Variants in ACTC1 observed in about 807,000 individuals in gnomAD.
ACTC1 encodes actin, alpha cardiac muscle 1.
In ACTC1, 10 loss-of-function variants were observed where a neutral mutation model predicts 31.6. The ratio of observed to expected loss-of-function variants is 0.32; its 90% CI spans 0.19 to 0.54. ACTC1 has a LOEUF of 0.54. Ranked by LOEUF, ACTC1 falls within the 20% of genes least tolerant of loss-of-function variation. The pLI is 0.95. For missense variants in ACTC1, 129 were observed against 506.4 expected (o/e 0.25, Z 7.15); for synonymous variants, 196 against 185.0 (o/e 1.06, Z -0.48).
At chr15:34,795,254 A>G (rs1003342438) in intron 1 of ACTC1, among the ~76,000 whole-genome samples, 4 of 151,442 alleles carry the variant, frequency 2.6e-5, no homozygotes, top group Admixed American at 6.6e-5. Flanking sequence ...CCCCTTGGGG[A>G]GCCACAAAAT....
Position 34,793,997 on chromosome 15 carries a change from C to T in ACTC1, c.130-428G>A, listed in dbSNP as rs2140432618. 6.6e-6 allele frequency among the ~76,000 whole-genome samples: 1 copy of T among 152,338 alleles called. No individual in the cohort carries two copies. Among genetic ancestry groups the T allele is most frequent in the Non-Finnish European group, 1.5e-5 (1 of 68,042 alleles). ...ATTCAAGTGAACACATAATGATGGG[C>T]TGATATGCCATCCTCACTCCAACAG... is the stretch of plus-strand genomic sequence containing the variant. On this transcript the variant is annotated intron_variant, in intron 2 of 6. Transcript: ENST00000290378. This position sits in a 1 kb window ranked among gnomAD's most constrained non-coding sequence, Gnocchi z 4.8.
In ACTC1 at chr15:34,794,791, C is replaced by G; in HGVS notation, c.18G>C (p.Glu6Asp). 6.2e-7 allele frequency: 1 copy of G among 1,613,606 alleles called. No individual in the cohort carries two copies. The highest frequency in any genetic ancestry group is 8.5e-7 in the Non-Finnish European group (1 of 1,179,732). Residue 6 changes from glutamate to aspartate, a missense_variant, in exon 2 of 7, where the codon GAG (glutamate) becomes GAC (aspartate). Physicochemically the swap from Glu to Asp is conservative, Grantham distance 45. This residue lies in a region of ACTC1 where 11 missense variants were observed against 17.0 expected (regional missense o/e 0.65). Transcript: ENST00000290378. ...CGTTGTCGCACACCAGGGCGGTGGT[C>G]TCCTCGTCGTCACACATCTTGGCAC... MCDDE[E>D]TTALVCDNGS...
intron 6 of ACTC1, 35 bp downstream of exon 6, chr15:34,791,079 T>A: frequency 6.4e-7 from 1 of 1,556,690 alleles, no homozygotes; most frequent in Admixed American, 1.7e-5. Context: ...ATACCAAGAC[T>A]TGCCTCGGAT....
Position 34,794,671 on chromosome 15 carries a change from G to C in ACTC1, c.129+9C>G. The C allele has an allele frequency of 6.2e-7, 1 of 1,610,836 alleles. No individual in the cohort carries two copies. Among genetic ancestry groups the C allele is most frequent in the Non-Finnish European group, 8.5e-7 (1 of 1,178,316 alleles). The stretch of plus-strand genomic sequence containing the variant: ...CCGAGTGGGACGGGGGGCTCGGCGG[G>C]AAGTTTACCTGGTGCCGCGGGCGGC... On this transcript the variant is annotated intron_variant, in intron 2 of 6. Transcript: ENST00000290378.
rs1027450447 is a variant in ACTC1, at chr15:34,793,168, TG to T, written c.454+76del. On this transcript the variant is annotated intron_variant, in intron 3 of 6. Coordinates refer to ENST00000290378, the MANE Select transcript of ACTC1 (RefSeq NM_005159.5). This position sits in a 1 kb window ranked among gnomAD's most constrained non-coding sequence, Gnocchi z 4.8. Reference sequence around the variant, plus strand: ...GGAAAGGGATTATCCCTTTTTCAACTGGGGGATCTGATTCACAGCAAGGTCG... The same window carrying T: ...GGAAAGGGATTATCCCTTTTTCAACTGGGGATCTGATTCACAGCAAGGTCG... The T allele has an allele frequency of 2.8e-6, 4 of 1,450,438 alleles. No homozygotes were observed. Among genetic ancestry groups the T allele is most frequent in the Non-Finnish European group, 3.9e-6 (4 of 1,036,074 alleles). The allele number at this position is 1,450,438 out of a possible 1,614,324, so 89.8% of individuals were successfully genotyped here.
At chr15:34,790,813 A>G (rs974132471) in intron 6 of ACTC1, among the ~76,000 whole-genome samples, 1 of 152,214 alleles carries the variant, frequency 6.6e-6, no homozygotes, top group Non-Finnish European at 1.5e-5. Context: ...GCAACAAGCT[A>G]AATGTGTAGT....
chr15:34,793,372 C>T lies in ACTC1; in HGVS notation c.327G>A (p.Glu109=). The part of the protein sequence containing the change: ...APEEHPTLLT[E]APLNPKANRE... ...GGTTGGCCTTGGGGTTCAGCGGGGCCTCTGTGAGCAGGGTGGGGTGCTCCT... is the reference window on the plus strand; with the variant it reads ...GGTTGGCCTTGGGGTTCAGCGGGGCTTCTGTGAGCAGGGTGGGGTGCTCCT... Residue 109 remains glutamate (E), a synonymous_variant, in exon 3 of 7, where the codon GAG becomes GAA. Transcript: ENST00000290378. The surrounding 1 kb of genome is among the most constrained non-coding windows in gnomAD (Gnocchi z 4.8). The T allele has an allele frequency of 1.2e-6, 2 of 1,614,140 alleles. No homozygotes were observed. Among genetic ancestry groups the T allele is most frequent in the Non-Finnish European group, 1.7e-6 (2 of 1,180,022 alleles).
At position 34,792,612 on chromosome 15, in the gene ACTC1, C is replaced by T; in HGVS notation, c.455-43G>A. ...CAAGAACAAGGTAAATTCCTGAGGA[C>T]AACACCACTGCTCTAGCCACGGCAA... is the stretch of plus-strand genomic sequence containing the variant. On this transcript the variant is annotated intron_variant, in intron 3 of 6. Transcript: ENST00000290378. This position sits in a 1 kb window ranked among gnomAD's most constrained non-coding sequence, Gnocchi z 5.3. The T allele has an allele frequency of 1.2e-6, 2 of 1,610,570 alleles. No homozygotes were observed. The highest frequency in any genetic ancestry group is 1.7e-6 in the Non-Finnish European group (2 of 1,176,828).
chr15:34,791,960 T>G, intron 5 of ACTC1, 130 bp downstream of exon 5: 11 of 918,730 alleles, frequency 1.2e-5, no homozygotes, highest in South Asian at 1.5e-5. Flanking sequence ...GACTTGAGGT[T>G]GAGCTGTGTG....
In ACTC1 at chr15:34,792,517, C is replaced by T. The variant is rs1555418837; in HGVS notation, c.507G>A (p.Glu169=). The T allele has an allele frequency of 6.2e-7, 1 of 1,614,128 alleles. No individual in the cohort carries two copies. The highest frequency in any genetic ancestry group is 8.5e-7 in the Non-Finnish European group (1 of 1,180,016). The change falls in exon 4 of 7, where the codon GAG becomes GAA. Residue 169 remains glutamate, a synonymous_variant. Coordinates refer to ENST00000290378, the MANE Select transcript of ACTC1 (RefSeq NM_005159.5). The surrounding 1 kb of genome is among the most constrained non-coding windows in gnomAD (Gnocchi z 5.3). Reference sequence around the variant, plus strand: ...TGATGGCATGGGGCAAAGCGTAGCCCTCATAGATGGGGACATTGTGAGTTA... The same window carrying T: ...TGATGGCATGGGGCAAAGCGTAGCCTTCATAGATGGGGACATTGTGAGTTA... ...DGVTHNVPIY[E]GYALPHAIMR...
At chr15:34,791,349 AC>A in intron 5 of ACTC1, 54 bp from the exon 6 acceptor site, 1 of 1,392,998 alleles carries the variant, frequency 7.2e-7, no homozygotes, top group Non-Finnish European at 9.9e-7. Flanking sequence ...ACACACACAC[AC>A]ACATCACAGT....
chr15:34,792,893 T>G lies in ACTC1; in HGVS notation c.455-324A>C, dbSNP rs78639435. 2.0e-6 allele frequency: 1 copy of G among 501,830 alleles called. No individual in the cohort carries two copies. The highest frequency in any genetic ancestry group is 3.7e-5 in the East Asian group (1 of 26,802). The allele number at this position is 501,830 out of a possible 1,614,324, so 31.1% of individuals were successfully genotyped here. A position where few individuals can be genotyped will look rare whatever the true frequency, so the allele number is the denominator to read the frequency against. On this transcript the variant is annotated intron_variant, in intron 3 of 6. Transcript: ENST00000290378. This position sits in a 1 kb window ranked among gnomAD's most constrained non-coding sequence, Gnocchi z 5.3. ...CTTTGCTCCTATTGAACTTACACGT[T>G]TCTCTCTCTTTTGACTCAGACCCTG... is the stretch of plus-strand genomic sequence containing the variant.
chr15:34,795,099 C>A (rs1891795232), intron 1 of ACTC1, among the ~76,000 whole-genome samples: 1 of 152,050 alleles, frequency 6.6e-6, no homozygotes, highest in Admixed American at 6.5e-5. Flanking sequence ...AAGGAGGGAC[C>A]CAAGAAACCC....
At position 34,793,604 on chromosome 15, in the gene ACTC1, A is replaced by G; in HGVS notation, c.130-35T>C. On this transcript the variant is annotated intron_variant, in intron 2 of 6. Transcript: ENST00000290378. The surrounding 1 kb of genome is among the most constrained non-coding windows in gnomAD (Gnocchi z 4.8). ...GAAAAAATGAGAAAATCATGCTCTC[A>G]CCATGTCAGGAATATAATCAGTGTC... The G allele has an allele frequency of 6.3e-7, 1 of 1,585,614 alleles. No homozygotes were observed. The highest frequency in any genetic ancestry group is 8.7e-7 in the Non-Finnish European group (1 of 1,155,350).
At chr15:34,794,335 G>C (rs1247868037) in intron 2 of ACTC1, among the ~76,000 whole-genome samples, 2 of 152,190 alleles carry the variant, frequency 1.3e-5, no homozygotes, top group Non-Finnish European at 2.9e-5. Flanking sequence ...ATTGTTAGAA[G>C]TTTTAAACAG....
rs1891673549 is a variant in ACTC1, at chr15:34,790,307, A to G, written c.*105T>C. On this transcript the variant is annotated 3_prime_UTR_variant, in exon 7 of 7. Transcript: ENST00000290378. Reference sequence around the variant, plus strand: ...ACAAACAAATTGCACGTGTGTAAACAAACTGTACAATGATTGATGAAAGAT... The same window carrying G: ...ACAAACAAATTGCACGTGTGTAAACGAACTGTACAATGATTGATGAAAGAT... 2.8e-6 allele frequency: 4 copies of G among 1,447,928 alleles called. No homozygotes were observed. In the South Asian group the frequency reaches 4.6e-5, roughly 17 times the overall value. 89.7% of individuals were successfully genotyped at this position (1,447,928 alleles called of 1,614,324 possible).
Position 34,792,583 on chromosome 15 carries a change from T to C in ACTC1, c.455-14A>G, listed in dbSNP as rs902599585. ...CCAGAACAATGCCTGCCCGGGGAAG[T>C]AGACAAGAACAAGGTAAATTCCTGA... is the stretch of plus-strand genomic sequence containing the variant. On this transcript the variant is annotated splice_polypyrimidine_tract_variant and intron_variant, in intron 3 of 6. Coordinates refer to ENST00000290378, the MANE Select transcript of ACTC1 (RefSeq NM_005159.5). This position sits in a 1 kb window ranked among gnomAD's most constrained non-coding sequence, Gnocchi z 5.3. The C allele has an allele frequency of 5.0e-6, 8 of 1,613,900 alleles. No individual in the cohort carries two copies. In the African/African-American group the frequency reaches 6.7e-5, roughly 13 times the overall value.
Position 34,795,351 on chromosome 15 carries a change from T to TAACTTTA in ACTC1, c.-23+154_-23+155insTAAAGTT, listed in dbSNP as rs35331864. ...GAACCAAATCAAAAAGTGTGGGCTT[T>TAACTTTA]AAAAAAAAAAAAAAAAAGGCAGTCG... On this transcript the variant is annotated intron_variant, in intron 1 of 6. Coordinates refer to ENST00000290378, the MANE Select transcript of ACTC1 (RefSeq NM_005159.5). Among the ~76,000 whole-genome samples, 11 of 136,578 alleles carry TAACTTTA rather than the reference T, an allele frequency of 8.1e-5. 1 individual carries two copies. The highest frequency in any genetic ancestry group is 1.4e-4 in the Admixed American group (2 of 13,818). The allele number at this position is 136,578 out of a possible 152,430, so 89.6% of individuals were successfully genotyped here.
In ACTC1 at chr15:34,793,697, G is replaced by A. The variant is rs530737577; in HGVS notation, c.130-128C>T. 3.5e-5 allele frequency: 30 copies of A among 846,608 alleles called. No homozygotes were observed. The South Asian group carries it at 4.1e-4, about 11-fold the overall frequency. The allele number at this position is 846,608 out of a possible 1,614,324, so 52.4% of individuals were successfully genotyped here. A position where few individuals can be genotyped will look rare whatever the true frequency, so the allele number is the denominator to read the frequency against. ...AAATACCAGAAATAACAAGCAATAC[G>A]ATTTTACCCCAATTTAGAAGAATTA... On this transcript the variant is annotated intron_variant, in intron 2 of 6. Transcript: ENST00000290378. The surrounding 1 kb of genome is among the most constrained non-coding windows in gnomAD (Gnocchi z 4.8).
Sources: gnomAD v4.1 joint callset for allele counts (sites outside exome capture counted in the v4.1 genomes callset) on GRCh38, gnomAD v4.1.1 for gene constraint, gnomAD v4.1.1 regional missense constraint, Gnocchi (gnomAD v3.1) non-coding constraint, MANE v1.5 for transcripts, NCBI Gene and HGNC (gene_info 2026-07-23, HGNC 2026-07-21) for gene names.